The following DENND5B variants were observed in gnomAD, a reference collection of about 807,000 sequenced individuals.
DENND5B encodes the protein DENN domain-containing protein 5B.
Under a neutral mutation model 140.6 loss-of-function variants are expected in DENND5B, and 34 were observed. That is an observed-to-expected ratio of 0.24 (90% confidence interval 0.18 to 0.32). The LOEUF is 0.32. DENND5B is among the 10% of genes least tolerant of loss of function. DENND5B has a pLI of 1.00. For synonymous variants in DENND5B, 551 were observed against 562.1 expected, an observed-to-expected ratio of 0.98 and a Z score of 0.28; for missense variants, 1,142 against 1,560.2, an observed-to-expected ratio of 0.73 and a Z score of 4.52.
intron 8 of DENND5B, among the ~76,000 whole-genome samples, chr12:31,429,163 C>T (rs78669520): frequency 0.012 from 1,744 of 151,516 alleles, 19 homozygotes; most frequent in East Asian, 0.032. Context: ...TGAGCCACCA[C>T]GCCCGGCTGT....
At chr12:31,417,732 C>T (rs945904780) in intron 11 of DENND5B, among the ~76,000 whole-genome samples, 11 of 152,264 alleles carry the variant, frequency 7.2e-5, no homozygotes, top group Non-Finnish European at 7.3e-5. Flanking sequence ...AGTGTTTGGT[C>T]TCGTGCTCAA....
chr12:31,550,785 C>T (rs11051459), intron 1 of DENND5B, among the ~76,000 whole-genome samples: 11,781 of 151,902 alleles, frequency 0.078, 1,043 homozygotes, highest in African/African-American at 0.22. Flanking sequence ...TATCTCATTG[C>T]GGTTTTGATT....
At chr12:31,559,217 T>A (rs1204563667) in intron 1 of DENND5B, among the ~76,000 whole-genome samples, 1 of 152,210 alleles carries the variant, frequency 6.6e-6, no homozygotes, top group Non-Finnish European at 1.5e-5. Context: ...GATGAACTCA[T>A]GGCAAATTAA....
At position 31,570,640 on chromosome 12, in the gene DENND5B, A is replaced by G. The variant is rs149784338; in HGVS notation, c.127+20066T>C. ...TTAGGAGTTTGGTTTCATTTACTCA[A>G]AAAGATTTTAGTAATTTTTTTTGGC... On this transcript the variant is annotated intron_variant, in intron 1 of 20. Transcript: ENST00000389082. Among the ~76,000 whole-genome samples the G allele has an allele frequency of 1.3e-3, 202 of 152,154 alleles. 4 individuals are homozygous for G. The highest frequency in any genetic ancestry group is 4.8e-3 in the African/African-American group (197 of 41,426).
At chr12:31,536,795 C>T (rs1356373831) in intron 1 of DENND5B, among the ~76,000 whole-genome samples, 2 of 152,108 alleles carry the variant, frequency 1.3e-5, no homozygotes, top group African/African-American at 2.4e-5. Context: ...TAATCAAATT[C>T]CCAAAGGTCA....
chr12:31,423,230 CG>C (rs1338922966), intron 11 of DENND5B, among the ~76,000 whole-genome samples: 2 of 151,862 alleles, frequency 1.3e-5, no homozygotes, highest in Non-Finnish European at 2.9e-5. Flanking sequence ...TGTGAGCCAC[CG>C]TGCCTAGCAT....
chr12:31,444,091 C>G (rs1048838696), intron 6 of DENND5B: 1 of 152,086 alleles, frequency 6.6e-6, no homozygotes, highest in Non-Finnish European at 1.5e-5. Context: ...ATTTTAGAAG[C>G]AAGCCTAGGT....
chr12:31,396,425 G>C (rs1337906973), intron 17 of DENND5B: 2 of 151,584 alleles, frequency 1.3e-5, no homozygotes, highest in Non-Finnish European at 1.5e-5. Context: ...TAAAAAACTG[G>C]AACAATACAG....
chr12:31,416,467 G>GT (rs1341458946), intron 11 of DENND5B, among the ~76,000 whole-genome samples: 1 of 151,706 alleles, frequency 6.6e-6, no homozygotes, highest in African/African-American at 2.4e-5. Context: ...GTTTCACCAT[G>GT]TTGGCCAGCT....
At chr12:31,470,329 G>T (rs1945497248) in intron 3 of DENND5B, among the ~76,000 whole-genome samples, 1 of 151,958 alleles carries the variant, frequency 6.6e-6, no homozygotes, top group African/African-American at 2.4e-5. Flanking sequence ...GGTCAGGCTG[G>T]TCTCGAACTC....
chr12:31,479,275 G>GA (rs1945961897), intron 3 of DENND5B, among the ~76,000 whole-genome samples: 1 of 152,120 alleles, frequency 6.6e-6, no homozygotes, highest in African/African-American at 2.4e-5. Context: ...TTATGATGAA[G>GA]AAAAAATGTT....
At chr12:31,501,054 G>C (rs1946983478) in intron 1 of DENND5B, among the ~76,000 whole-genome samples, 1 of 152,164 alleles carries the variant, frequency 6.6e-6, no homozygotes, top group Admixed American at 6.5e-5. Context: ...GACAACTTAT[G>C]GGGATGGGAT....
At chr12:31,406,083 G>T (rs1012849670) in intron 14 of DENND5B, among the ~76,000 whole-genome samples, 1 of 151,534 alleles carries the variant, frequency 6.6e-6, no homozygotes, top group Non-Finnish European at 1.5e-5. Context: ...CTGACCTCAG[G>T]TGATCCGCCA....
At chr12:31,485,347 A>G (rs1261253257) in intron 2 of DENND5B, among the ~76,000 whole-genome samples, 5 of 152,218 alleles carry the variant, frequency 3.3e-5, no homozygotes, top group Non-Finnish European at 2.9e-5. Context: ...ACGCTTCCAC[A>G]ACCAGCAGGA....
chr12:31,565,212 G>A (rs1391943634), intron 1 of DENND5B, among the ~76,000 whole-genome samples: 1 of 150,792 alleles, frequency 6.6e-6, no homozygotes, highest in African/African-American at 2.4e-5. Flanking sequence ...GGGCAACATG[G>A]CAAAACTCTG....
In DENND5B at chr12:31,511,921, CT is replaced by C. The variant is rs761566462; in HGVS notation, c.128-16003del. Among the ~76,000 whole-genome samples the C allele has an allele frequency of 2.5e-3, 250 of 98,912 alleles. 1 individual carries two copies. Among genetic ancestry groups the C allele is most frequent in the African/African-American group, 7.9e-3 (199 of 25,322 alleles). The allele number at this position is 98,912 out of a possible 152,430, so 64.9% of individuals were successfully genotyped here. A position where few individuals can be genotyped will look rare whatever the true frequency, so the allele number is the denominator to read the frequency against. ...AAATAAAAACATCCCCTCCACTGCC[CT>C]TTTTTTTTTTTTTTTTTTTGTGACG... On this transcript the variant is annotated intron_variant, in intron 1 of 20. Coordinates refer to ENST00000389082, the MANE Select transcript of DENND5B (RefSeq NM_144973.4).
intron 2 of DENND5B, among the ~76,000 whole-genome samples, chr12:31,488,141 T>TC: frequency 6.6e-6 from 1 of 151,836 alleles, no homozygotes. Context: ...ATTTTTTTTT[T>TC]TTTTTTGTAC....
intron 11 of DENND5B, among the ~76,000 whole-genome samples, chr12:31,418,650 G>A (rs1399280347): frequency 2.0e-5 from 3 of 152,196 alleles, no homozygotes; most frequent in African/African-American, 2.4e-5. Context: ...CTACACTCCA[G>A]ATGATTAGAC....
intron 5 of DENND5B, among the ~76,000 whole-genome samples, chr12:31,449,791 G>A (rs994763514): frequency 5.6e-5 from 8 of 142,154 alleles, no homozygotes; most frequent in African/African-American, 1.6e-4. Flanking sequence ...GTCCAGTGGC[G>A]TGATCTCAGC....
Sources: gnomAD v4.1 joint callset for allele counts (sites outside exome capture counted in the v4.1 genomes callset) on GRCh38, gnomAD v4.1.1 for gene constraint, MANE v1.5 for transcripts, NCBI Gene and HGNC (gene_info 2026-07-23, HGNC 2026-07-21) for gene names.